PCDHGA2: variants seen among roughly 807,000 people sequenced by gnomAD.
The protein encoded by PCDHGA2 is protocadherin gamma-A2.
A neutral mutation model predicts 59.2 loss-of-function variants in PCDHGA2; 40 were observed. That is an observed-to-expected ratio of 0.68 (90% confidence interval 0.52 to 0.88). The LOEUF (loss-of-function observed/expected upper bound fraction) is 0.88. PCDHGA2 is among the 40% of genes least tolerant of loss of function. The probability of loss-of-function intolerance (pLI) is 0.00; values close to 1 mark genes in which losing one functional copy is unlikely to be tolerated. For synonymous variants in PCDHGA2, 560 were observed against 526.0 expected (o/e 1.06, Z -0.89); for missense variants, 1,226 against 1,204.0 (o/e 1.02, Z -0.27).
intron 1 of PCDHGA2, chr5:141,418,683 CAG>C: frequency 6.2e-7 from 1 of 1,614,048 alleles, no homozygotes; most frequent in African/African-American, 1.3e-5. Flanking sequence ...GGCATCAACT[CAG>C]AGATCACTTA....
chr5:141,345,480 A>G, intron 1 of PCDHGA2: 2 of 1,614,044 alleles, frequency 1.2e-6, no homozygotes, highest in Non-Finnish European at 8.5e-7. Context: ...AGATAGCAAC[A>G]ACAACGCCCG....
intron 1 of PCDHGA2, chr5:141,370,922 G>C (rs563952977): frequency 6.2e-7 from 1 of 1,613,978 alleles, no homozygotes; most frequent in Admixed American, 1.7e-5. Context: ...GCCCTGATCC[G>C]CACTTCTCTT....
In PCDHGA2 at chr5:141,505,470, C is replaced by G; in HGVS notation, c.2561C>G (p.Ala854Gly). 6.2e-7 allele frequency: 1 copy of G among 1,614,186 alleles called. No individual in the cohort carries two copies. Among genetic ancestry groups the G allele is most frequent in the Non-Finnish European group, 8.5e-7 (1 of 1,180,002 alleles). Residue 854 changes from alanine to glycine, a missense_variant, in exon 3 of 4, where the codon GCG (alanine) becomes GGG (glycine). Ala to Gly is a moderately conservative substitution (Grantham distance 60). Transcript: ENST00000394576. ...GAGATGCTGCAAGCCATGATCTTGG[C>G]GTCCGCCAGTGGTAAGTGGTGTCAG... The part of the protein sequence containing the change: ...DTEMLQAMIL[A>G]SASEAADGSS...
intron 1 of PCDHGA2, chr5:141,345,349 C>T (rs1040272495): frequency 3.1e-6 from 5 of 1,613,964 alleles, no homozygotes; most frequent in Non-Finnish European, 4.2e-6. Flanking sequence ...ACTCACATCA[C>T]CCTGCATGTG....
Position 141,341,005 on chromosome 5 carries a change from C to T in PCDHGA2, c.2034C>T (p.Leu678=), listed in dbSNP as rs145627101. 2 of 1,613,988 alleles carry T rather than the reference C, an allele frequency of 1.2e-6. No individual in the cohort carries two copies. The highest frequency in any genetic ancestry group is 1.7e-6 in the Non-Finnish European group (2 of 1,180,008). The change falls in exon 1 of 4, where the codon CTC becomes CTT. Residue 678 remains leucine, a synonymous_variant. Transcript: ENST00000394576. ...ACATCCTGGCCGACCTGGGCAGCCT[C>T]GAGCCCTCCGCCATACCCAACGATT... ...IPDILADLGS[L]EPSAIPNDSD...
chr5:141,343,655 T>C lies in PCDHGA2; in HGVS notation c.2424+2260T>C, dbSNP rs531857542. ...ACTTGAGGTGACACTGTTTAACATATATCGATTCAATTATGTTCAATCAAC... is the reference window on the plus strand; with the variant it reads ...ACTTGAGGTGACACTGTTTAACATACATCGATTCAATTATGTTCAATCAAC... On this transcript the variant is annotated intron_variant, in intron 1 of 3. Transcript: ENST00000394576. Among the ~76,000 whole-genome samples, 10 of 152,342 alleles carry C rather than the reference T, an allele frequency of 6.6e-5. No homozygotes were observed. The East Asian group carries it at 1.7e-3, about 26-fold the overall frequency.
rs755978864 is a variant in PCDHGA2 at position 141,352,146 on chromosome 5, G to A, written c.2424+10751G>A. 1.7e-5 allele frequency: 27 copies of A among 1,612,154 alleles called. No homozygotes were observed. The highest frequency in any genetic ancestry group is 1.0e-4 in the Admixed American group (6 of 59,926). ...GAGGTGCGCACAGCGCGTGCCTTGG[G>A]CGACAGGGACGCGGCCCGCCAGCGC... On this transcript the variant is annotated intron_variant, in intron 1 of 3. Transcript: ENST00000394576.
Position 141,485,200 on chromosome 5 carries a change from A to C in PCDHGA2, c.2425-9607A>C. 1 of 1,614,116 alleles carries C rather than the reference A, an allele frequency of 6.2e-7. No homozygotes were observed. The highest frequency in any genetic ancestry group is 2.2e-5 in the East Asian group (1 of 44,872). ...TGCTCCGCAAGGTGAGAAGCTGGAC[A>C]GAAATCTGGCGGTGGGCTACCCTTT... On this transcript the variant is annotated intron_variant, in intron 1 of 3. Coordinates refer to ENST00000394576, the MANE Select transcript of PCDHGA2 (RefSeq NM_018915.4). This position sits in a 1 kb window ranked among gnomAD's most constrained non-coding sequence, Gnocchi z 5.7.
rs1316659737 is a variant in PCDHGA2 at position 141,490,964 on chromosome 5, C to T, written c.2425-3843C>T. ...CCACGGCCAGACTGGGAACACTCAG[C>T]CCCCCAGCGTCTCCCTCGCTCTGCT... On this transcript the variant is annotated intron_variant, in intron 1 of 3. Transcript: ENST00000394576. The surrounding 1 kb of genome is among the most constrained non-coding windows in gnomAD (Gnocchi z 5.4). 2.5e-6 allele frequency: 4 copies of T among 1,613,608 alleles called. No homozygotes were observed. Among genetic ancestry groups the T allele is most frequent in the East Asian group, 2.2e-5 (1 of 44,882 alleles).
chr5:141,360,033 C>G, intron 1 of PCDHGA2: 1 of 1,391,410 alleles, frequency 7.2e-7, no homozygotes, highest in Non-Finnish European at 9.5e-7. Context: ...AGTATAGATT[C>G]GGAAACAGAA....
chr5:141,423,546 G>A, intron 1 of PCDHGA2: 1 of 1,613,708 alleles, frequency 6.2e-7, no homozygotes, highest in Non-Finnish European at 8.5e-7. Flanking sequence ...TTTTCCCCCA[G>A]CCCAACTATG....
At chr5:141,421,009 T>C (rs948913987) in intron 1 of PCDHGA2, 1 of 515,496 alleles carries the variant, frequency 1.9e-6, no homozygotes, top group East Asian at 3.2e-5. Flanking sequence ...AATCAGGGAA[T>C]GGGAAGCTGC....
At position 141,355,454 on chromosome 5, in the gene PCDHGA2, T is replaced by C. The variant is rs747114366; in HGVS notation, c.2424+14059T>C. ...CTGAACCCGCGCAGCGGCACCTTGGTCACCGCGGGTAGGATAGACAGGGAG... is the reference window on the plus strand; with the variant it reads ...CTGAACCCGCGCAGCGGCACCTTGGCCACCGCGGGTAGGATAGACAGGGAG... On this transcript the variant is annotated intron_variant, in intron 1 of 3. Transcript: ENST00000394576. 62 of 1,614,066 alleles carry C rather than the reference T, an allele frequency of 3.8e-5. No homozygotes were observed. Among genetic ancestry groups the C allele is most frequent in the Non-Finnish European group, 4.7e-5 (55 of 1,179,914 alleles).
At chr5:141,450,080 C>G (rs140080701) in intron 1 of PCDHGA2, among the ~76,000 whole-genome samples, 6,313 of 144,358 alleles carry the variant, frequency 0.044, 398 homozygotes, top group Admixed American at 0.19. Context: ...GATCTTGGCT[C>G]ACTGCAACCT....
chr5:141,459,862 C>T (rs931723906), intron 1 of PCDHGA2, among the ~76,000 whole-genome samples: 3 of 152,158 alleles, frequency 2.0e-5, no homozygotes, highest in East Asian at 1.9e-4. Context: ...TTGAAGCATT[C>T]GTTCATCTTT....
intron 1 of PCDHGA2, among the ~76,000 whole-genome samples, chr5:141,460,934 G>GTA (rs2099001529): frequency 2.7e-5 from 4 of 149,622 alleles, no homozygotes; most frequent in African/African-American, 9.9e-5. Context: ...ATGTGTGTGT[G>GTA]TATATATATG....
In PCDHGA2 at chr5:141,438,621, TATATATATATATATACACAC is replaced by T. The variant is rs1185208192; in HGVS notation, c.2425-56184_2425-56165del. Among the ~76,000 whole-genome samples, 212 of 41,372 alleles carry T rather than the reference TATATATATATATATACACAC, an allele frequency of 5.1e-3. 1 individual carries two copies. The highest frequency in any genetic ancestry group is 0.03 in the African/African-American group (177 of 5,808). 27.1% of individuals were successfully genotyped at this position (41,372 alleles called of 152,430 possible). On this transcript the variant is annotated intron_variant, in intron 1 of 3. Transcript: ENST00000394576. ...ATATATATATATATATATATATATA[TATATATATATATATACACAC>T]ACACACACACATATATGTATATATA...
intron 1 of PCDHGA2, chr5:141,422,772 C>A: frequency 6.2e-7 from 1 of 1,613,922 alleles, no homozygotes. Flanking sequence ...CTGGTGTTCT[C>A]TATGCCCTAC....
intron 1 of PCDHGA2, chr5:141,382,993 C>A (rs762865747): frequency 6.2e-7 from 1 of 1,613,660 alleles, no homozygotes; most frequent in South Asian, 1.1e-5. Context: ...AGGACGTATT[C>A]TCTACTCCGT....
Sources: gnomAD v4.1 joint callset for allele counts (sites outside exome capture counted in the v4.1 genomes callset) on GRCh38, gnomAD v4.1.1 for gene constraint, Gnocchi (gnomAD v3.1) non-coding constraint, MANE v1.5 for transcripts, NCBI Gene and HGNC (gene_info 2026-07-23, HGNC 2026-07-21) for gene names.